Variants in SPON2 observed in about 807,000 individuals in gnomAD.
SPON2 encodes spondin-2.
Under a neutral mutation model 29.9 loss-of-function variants are expected in SPON2, and 32 were observed. The observed-to-expected ratio is 1.07, with a 90% CI of 0.81 to 1.44. The LOEUF is 1.44. Ranked by LOEUF, SPON2 falls within the 40% of genes most tolerant of loss-of-function variation. SPON2 has a pLI of 0.00. For synonymous variants in SPON2, 248 were observed against 209.1 expected, an observed-to-expected ratio of 1.19 and a Z score of -1.61; for missense variants, 541 against 455.5, an observed-to-expected ratio of 1.19 and a Z score of -1.71.
chr4:1,206,900 C>T (rs996111316), intron 1 of SPON2, among the ~76,000 whole-genome samples: 2 of 146,730 alleles, frequency 1.4e-5, no homozygotes, highest in Admixed American at 1.4e-4. Context: ...AGGTGGGAGA[C>T]ACATGGAGGG....
chr4:1,175,718 C>T (rs1046272186), upstream of SPON2, among the ~76,000 whole-genome samples: 1 of 149,810 alleles, frequency 6.7e-6, no homozygotes, highest in Non-Finnish European at 1.5e-5. Flanking sequence ...GGATCTCCAG[C>T]TAGGATGTAG....
chr4:1,171,151 A>C lies in SPON2; in HGVS notation c.484T>G (p.Phe162Val), dbSNP rs1192635805. The C allele has an allele frequency of 1.3e-6, 2 of 1,553,316 alleles. No homozygotes were observed. ...AGGTCCAGGCTGTCCACGCCCACGA[A>C]CCAGTCGGGGCTGGGCACGATGCGC... ...VVRIVPSPDWFVGVDSLDLCD... is the reference protein window; with the variant it reads ...VVRIVPSPDWVVGVDSLDLCD... The change falls in exon 4 of 6, where the codon TTC becomes GTC. Residue 162 changes from phenylalanine to valine, a missense_variant. Physicochemically the swap from Phe to Val is conservative, Grantham distance 50 (BLOSUM62 -1). Coordinates refer to ENST00000290902, the MANE Select transcript of SPON2 (RefSeq NM_012445.4).
At chr4:1,190,992 A>G (rs1373302730) in intron 1 of SPON2, among the ~76,000 whole-genome samples, 3 of 152,210 alleles carry the variant, frequency 2.0e-5, no homozygotes, top group African/African-American at 7.2e-5. Context: ...CCTCAATTAG[A>G]AGAATTAATA....
At chr4:1,196,403 G>T (rs1312099792), upstream of SPON2, among the ~76,000 whole-genome samples, 2 of 152,222 alleles carry the variant, frequency 1.3e-5, no homozygotes, top group Non-Finnish European at 2.9e-5. Context: ...TCTATACCGT[G>T]GAAGCAGCTG....
intron 1 of SPON2, among the ~76,000 whole-genome samples, chr4:1,183,237 C>T (rs774041596): frequency 6.3e-4 from 21 of 33,324 alleles, no homozygotes; most frequent in South Asian, 3.8e-3. Flanking sequence ...AGTGAAACTC[C>T]ATCAAAAAAA....
At chr4:1,176,734 A>G (rs1463130813), upstream of SPON2, among the ~76,000 whole-genome samples, 2 of 151,782 alleles carry the variant, frequency 1.3e-5, no homozygotes, top group South Asian at 2.1e-4. Flanking sequence ...ATTGATTCAC[A>G]CAGTACATTC....
intron 1 of SPON2, among the ~76,000 whole-genome samples, chr4:1,183,619 T>G (rs1027520549): frequency 6.6e-6 from 1 of 152,212 alleles, no homozygotes; most frequent in Admixed American, 6.5e-5. Flanking sequence ...TTAAAATTAT[T>G]AATTTATGTT....
chr4:1,179,255 C>A (rs1727664030), intron 2 of SPON2, among the ~76,000 whole-genome samples: 2 of 152,328 alleles, frequency 1.3e-5, no homozygotes, highest in South Asian at 4.1e-4. Context: ...AGCACTCACT[C>A]TTATCAGGTT....
At chr4:1,197,430 G>A (rs547769561), upstream of SPON2, among the ~76,000 whole-genome samples, 3 of 152,234 alleles carry the variant, frequency 2.0e-5, no homozygotes, top group African/African-American at 7.2e-5. Flanking sequence ...GGGTAAAACA[G>A]GATATTAAAT....
At position 1,171,669 on chromosome 4, in the gene SPON2, G is replaced by T. The variant is rs956401289; in HGVS notation, c.220+183C>A. 5.3e-6 allele frequency: 4 copies of T among 753,504 alleles called. No homozygotes were observed. In the African/African-American group the frequency reaches 7.0e-5, roughly 13 times the overall value. 46.7% of individuals were successfully genotyped at this position (753,504 alleles called of 1,614,324 possible). The stretch of plus-strand genomic sequence containing the variant: ...ACCCACCTGCGCCCTCCCCGTGAGC[G>T]CCCCCTGCCCCCACCGCATCCCCGG... On this transcript the variant is annotated intron_variant, in intron 2 of 5. Transcript: ENST00000290902.
chr4:1,194,672 C>A (rs901058803), intron 1 of SPON2, among the ~76,000 whole-genome samples: 1 of 152,274 alleles, frequency 6.6e-6, no homozygotes, highest in East Asian at 1.9e-4. Flanking sequence ...GAGCTGGCCC[C>A]GCTGCCGGGA....
At chr4:1,200,770 C>T in intron 1 of SPON2, 2 of 455,662 alleles carry the variant, frequency 4.4e-6, no homozygotes, top group South Asian at 3.1e-5. Context: ...TGGGTGCAGC[C>T]CCCCACCCCT....
chr4:1,201,914 G>T (rs1365520185), intron 1 of SPON2, among the ~76,000 whole-genome samples: 6 of 152,214 alleles, frequency 3.9e-5, no homozygotes, highest in Non-Finnish European at 7.3e-5. Flanking sequence ...GGCCTCCACA[G>T]TGCTTCACCT....
intron 5 of SPON2, 60 bp downstream of exon 5, chr4:1,170,342 G>C (rs1727382475): frequency 2.6e-6 from 4 of 1,534,572 alleles, no homozygotes; most frequent in Middle Eastern, 1.7e-4. Context: ...GGGTTTGGTG[G>C]TCGCCCTGTG....
intron 1 of SPON2, among the ~76,000 whole-genome samples, chr4:1,205,370 G>C (rs528370558): frequency 6.6e-6 from 1 of 152,308 alleles, no homozygotes; most frequent in South Asian, 2.1e-4. Flanking sequence ...GGCCTCCTCG[G>C]AGCAGCTGCA....
chr4:1,179,868 T>C (rs1177324253), intron 1 of SPON2, among the ~76,000 whole-genome samples: 1 of 152,148 alleles, frequency 6.6e-6, no homozygotes, highest in Non-Finnish European at 1.5e-5. Flanking sequence ...TTACCCAGCA[T>C]GAAAAGACTT....
chr4:1,189,450 A>G (rs1031908496), intron 1 of SPON2, among the ~76,000 whole-genome samples: 1 of 151,782 alleles, frequency 6.6e-6, no homozygotes, highest in Admixed American at 6.6e-5. Flanking sequence ...TGAGCTCAGG[A>G]GTTCAAGACC....
At chr4:1,170,900 G>A (rs1050266296) in intron 4 of SPON2, 99 bp downstream of exon 4, 14 of 1,458,404 alleles carry the variant, frequency 9.6e-6, no homozygotes, top group East Asian at 4.9e-5. Flanking sequence ...AGCCGCAAGC[G>A]GCTGTCCTGG....
chr4:1,197,179 C>T (rs921575946), upstream of SPON2: 12 of 152,186 alleles, frequency 7.9e-5, no homozygotes, highest in Non-Finnish European at 1.6e-4. Flanking sequence ...GATGGTCATG[C>T]TCACGTTCCT....
Sources: gnomAD v4.1 joint callset for allele counts (sites outside exome capture counted in the v4.1 genomes callset) on GRCh38, gnomAD v4.1.1 for gene constraint, MANE v1.5 for transcripts, NCBI Gene and HGNC (gene_info 2026-07-23, HGNC 2026-07-21) for gene names.